PLA2G4A: variants seen among roughly 807,000 people sequenced by gnomAD.
PLA2G4A encodes cytosolic phospholipase A2.
Under a neutral mutation model 81.9 loss-of-function variants are expected in PLA2G4A, and 40 were observed. That is an observed-to-expected ratio of 0.49 (90% CI 0.38 to 0.64). The LOEUF is 0.64. PLA2G4A is among the 30% of genes least tolerant of loss of function. The pLI is 0.00. For synonymous variants in PLA2G4A, 302 were observed against 296.9 expected, an observed-to-expected ratio of 1.02 and a Z score of -0.18; for missense variants, 715 against 905.1, an observed-to-expected ratio of 0.79 and a Z score of 2.69.
At chr1:186,891,318 T>G (rs1215007346) in intron 3 of PLA2G4A, among the ~76,000 whole-genome samples, 1 of 152,214 alleles carries the variant, frequency 6.6e-6, no homozygotes, top group Non-Finnish European at 1.5e-5. Flanking sequence ...AATTACACTC[T>G]TTTAGTTACT....
At chr1:186,932,618 A>C in intron 7 of PLA2G4A, 145 bp from the exon 8 acceptor site, 1 of 279,576 alleles carries the variant, frequency 3.6e-6, no homozygotes, top group South Asian at 3.4e-5. Flanking sequence ...CTTCTTTTAA[A>C]AAATTAGGCA....
At chr1:186,940,587 A>G (rs1198800967) in intron 10 of PLA2G4A, among the ~76,000 whole-genome samples, 1 of 152,218 alleles carries the variant, frequency 6.6e-6, no homozygotes, top group Non-Finnish European at 1.5e-5. Flanking sequence ...ACCTACACAC[A>G]TTCTTATGTA....
At chr1:186,981,909 G>A (rs1657733498) in intron 17 of PLA2G4A, among the ~76,000 whole-genome samples, 1 of 152,014 alleles carries the variant, frequency 6.6e-6, no homozygotes, top group Non-Finnish European at 1.5e-5. Context: ...AAGAAAACAT[G>A]ACATTGTCCA....
chr1:186,875,244 T>C (rs1218114850), intron 3 of PLA2G4A, among the ~76,000 whole-genome samples: 1 of 152,088 alleles, frequency 6.6e-6, no homozygotes, highest in Non-Finnish European at 1.5e-5. Flanking sequence ...GAACAAAGAT[T>C]CTAAGACTTT....
intron 3 of PLA2G4A, among the ~76,000 whole-genome samples, chr1:186,891,224 A>G (rs1310652957): frequency 6.6e-6 from 1 of 152,040 alleles, no homozygotes; most frequent in African/African-American, 2.4e-5. Flanking sequence ...GTGTTTTGAT[A>G]TAGGTATGCA....
chr1:186,918,030 CA>C (rs1571399772), intron 7 of PLA2G4A, among the ~76,000 whole-genome samples: 3 of 152,212 alleles, frequency 2.0e-5, no homozygotes, highest in Admixed American at 2.0e-4. Context: ...GCAACTGCAG[CA>C]CAGCTACCCT....
At chr1:186,974,182 T>G (rs1367700167) in intron 15 of PLA2G4A, among the ~76,000 whole-genome samples, 1 of 152,182 alleles carries the variant, frequency 6.6e-6, no homozygotes, top group Non-Finnish European at 1.5e-5. Flanking sequence ...TTTGAATATA[T>G]TTCTGTTATT....
chr1:186,892,904 A>G, intron 3 of PLA2G4A, 107 bp from the exon 4 acceptor site: 2 of 801,836 alleles, frequency 2.5e-6, no homozygotes, highest in East Asian at 2.5e-5. Flanking sequence ...ATTTAAATAC[A>G]TCACTACAGA....
chr1:186,964,569 C>A (rs1450808192), intron 14 of PLA2G4A, among the ~76,000 whole-genome samples: 1 of 152,072 alleles, frequency 6.6e-6, no homozygotes, highest in African/African-American at 2.4e-5. Context: ...CTTTAGGTGG[C>A]CTGTTCCGTA....
intron 7 of PLA2G4A, among the ~76,000 whole-genome samples, chr1:186,920,720 C>T (rs979829550): frequency 6.6e-6 from 1 of 152,244 alleles, no homozygotes; most frequent in Non-Finnish European, 1.5e-5. Flanking sequence ...CCAGAACCCC[C>T]CTTTTCCTCT....
intron 5 of PLA2G4A, among the ~76,000 whole-genome samples, chr1:186,905,674 G>T (rs1186114784): frequency 6.6e-6 from 1 of 150,926 alleles, no homozygotes. Flanking sequence ...GATGAGAAAA[G>T]ATTGCCTGAT....
At chr1:186,946,600 C>T in intron 10 of PLA2G4A, 37 bp from the exon 11 acceptor site, 1 of 1,496,468 alleles carries the variant, frequency 6.7e-7, no homozygotes, top group Non-Finnish European at 9.3e-7. Context: ...TAGCATTTTC[C>T]TATTAATGGA....
At chr1:186,969,919 A>G (rs1657279612) in intron 15 of PLA2G4A, among the ~76,000 whole-genome samples, 2 of 151,978 alleles carry the variant, frequency 1.3e-5, no homozygotes, top group Admixed American at 1.3e-4. Context: ...TCTTTTGGGT[A>G]TATACCCAGT....
chr1:186,912,167 C>T (rs1654967888), intron 7 of PLA2G4A, among the ~76,000 whole-genome samples: 1 of 152,098 alleles, frequency 6.6e-6, no homozygotes, highest in South Asian at 2.1e-4. Flanking sequence ...TTAGCACCCC[C>T]AGAAAGAATG....
chr1:186,880,961 G>A lies in PLA2G4A; in HGVS notation c.115+10445G>A, dbSNP rs561272215. On this transcript the variant is annotated intron_variant, in intron 3 of 17. Coordinates refer to ENST00000367466, the MANE Select transcript of PLA2G4A (RefSeq NM_024420.3). ...ATTTAGTCTTCTTTGTGTTGTTTTG[G>A]CGTATATTTCTCCCCATTTTCCCAT... Among the ~76,000 whole-genome samples, 12 of 151,998 alleles carry A rather than the reference G, an allele frequency of 7.9e-5. No homozygotes were observed. In the East Asian group the frequency reaches 2.3e-3, roughly 29 times the overall value.
intron 2 of PLA2G4A, among the ~76,000 whole-genome samples, chr1:186,863,907 C>T (rs1189150101): frequency 6.6e-6 from 1 of 151,914 alleles, no homozygotes; most frequent in East Asian, 1.9e-4. Context: ...ATTACAGGTG[C>T]CTGCCACCAC....
chr1:186,861,780 G>A (rs1030449491), intron 2 of PLA2G4A, among the ~76,000 whole-genome samples: 1 of 151,888 alleles, frequency 6.6e-6, no homozygotes, highest in Non-Finnish European at 1.5e-5. Flanking sequence ...TGTGTTATTG[G>A]CCAGACTGTT....
intron 1 of PLA2G4A, among the ~76,000 whole-genome samples, chr1:186,844,510 G>A (rs1320530296): frequency 6.6e-6 from 1 of 152,172 alleles, no homozygotes; most frequent in African/African-American, 2.4e-5. Context: ...GTGTCCAAAT[G>A]TGTTCTACTT....
intron 7 of PLA2G4A, among the ~76,000 whole-genome samples, chr1:186,931,002 C>T (rs1435970887): frequency 6.6e-6 from 1 of 152,026 alleles, no homozygotes; most frequent in African/African-American, 2.4e-5. Context: ...CAAATCCCTC[C>T]TCTTCATTCT....
Sources: allele counts gnomAD v4.1 joint callset (sites outside exome capture counted in the v4.1 genomes callset), GRCh38; gene constraint gnomAD v4.1.1; transcripts MANE v1.5; gene names NCBI Gene and HGNC (gene_info 2026-07-23, HGNC 2026-07-21).